The following KIAA1671 variants were observed in gnomAD, a reference collection of about 807,000 sequenced individuals.
The protein encoded by KIAA1671 is uncharacterized protein KIAA1671.
In KIAA1671, 52 loss-of-function variants were observed where a neutral mutation model predicts 131.2. That is an observed-to-expected ratio of 0.40 (90% CI 0.32 to 0.50). The LOEUF (loss-of-function observed/expected upper bound fraction) is 0.50. Among genes scored for constraint, KIAA1671 ranks in the 20% least tolerant of loss-of-function variants. The pLI is 0.73. For missense variants in KIAA1671, 2,360 were observed against 2,364.2 expected (o/e 1.00, Z 0.04); for synonymous variants, 1,003 against 961.6 (o/e 1.04, Z -0.80).
At chr22:25,147,837 T>TG (rs376641906) in intron 6 of KIAA1671, among the ~76,000 whole-genome samples, 85 of 152,292 alleles carry the variant, frequency 5.6e-4, no homozygotes, top group Admixed American at 2.1e-3. Flanking sequence ...CATTCACTAT[T>TG]GCATTTAGTC....
At chr22:25,001,235 A>ATATGTATGTGTGTGTATATG (rs1555951934) in intron 1 of KIAA1671, among the ~76,000 whole-genome samples, 1 of 121,196 alleles carries the variant, frequency 8.3e-6, no homozygotes, top group African/African-American at 2.8e-5. Flanking sequence ...ATGTGTGTGT[A>ATATGTATGTGTGTGTATATG]TATGTGTGTG....
chr22:25,160,871 C>T (rs1419792149), intron 6 of KIAA1671, among the ~76,000 whole-genome samples: 2 of 152,226 alleles, frequency 1.3e-5, no homozygotes, highest in Non-Finnish European at 2.9e-5. Flanking sequence ...TGTGCTGTAA[C>T]CAGAGGTGAC....
At chr22:25,059,514 GGAGT>G (rs1373687024) in intron 6 of KIAA1671, 2 of 152,216 alleles carry the variant, frequency 1.3e-5, no homozygotes, top group Admixed American at 6.6e-5. Flanking sequence ...GTTGAATGAA[GGAGT>G]GAGTGAGTTC....
chr22:25,072,918 G>A (rs1005063974), intron 6 of KIAA1671, among the ~76,000 whole-genome samples: 11 of 152,148 alleles, frequency 7.2e-5, no homozygotes, highest in Non-Finnish European at 1.5e-5. Flanking sequence ...CTGTAGCTTC[G>A]CATAGCTTGA....
chr22:25,045,582 A>G (rs1233448787), intron 5 of KIAA1671, among the ~76,000 whole-genome samples: 1 of 152,146 alleles, frequency 6.6e-6, no homozygotes, highest in Admixed American at 6.5e-5. Flanking sequence ...TCTATAGAAA[A>G]TCTTGTGGCT....
intron 1 of KIAA1671, among the ~76,000 whole-genome samples, chr22:25,018,520 T>G (rs1335955293): frequency 6.6e-6 from 1 of 152,212 alleles, no homozygotes; most frequent in South Asian, 2.1e-4. Context: ...TAGAACTTTT[T>G]CATCTTCTCA....
At position 25,028,052 on chromosome 22, in the gene KIAA1671, G is replaced by A; in HGVS notation, c.53G>A (p.Gly18Asp). ...ATAACGCCCTTGACGGCCGTGCCAGGCCTGGGTGAGATGGGCAAGGAGGAG... is the reference window on the plus strand; with the variant it reads ...ATAACGCCCTTGACGGCCGTGCCAGACCTGGGTGAGATGGGCAAGGAGGAG... The part of the protein sequence containing the change: ...GSITPLTAVP[G>D]LGEMGKEETL... Residue 18 changes from glycine to aspartate, a missense_variant, in exon 3 of 13, where the codon GGC (glycine) becomes GAC (aspartate). By Grantham distance (94) the Gly-to-Asp change is moderately conservative (BLOSUM62 -1). Coordinates refer to ENST00000358431, the MANE Select transcript of KIAA1671 (RefSeq NM_001145206.2). 1 of 1,544,892 alleles carries A rather than the reference G, an allele frequency of 6.5e-7. No individual in the cohort carries two copies. Among genetic ancestry groups the A allele is most frequent in the Non-Finnish European group, 8.7e-7 (1 of 1,143,120 alleles).
chr22:24,957,260 G>A (rs1196007494), intron 1 of KIAA1671, among the ~76,000 whole-genome samples: 2 of 152,112 alleles, frequency 1.3e-5, no homozygotes, highest in African/African-American at 4.8e-5. Context: ...TAGGAGGGAG[G>A]GCTGGGACAT....
At chr22:24,980,833 A>G (rs1440940210) in intron 1 of KIAA1671, among the ~76,000 whole-genome samples, 3 of 151,032 alleles carry the variant, frequency 2.0e-5, no homozygotes, top group Non-Finnish European at 4.4e-5. Context: ...TGCAACCTCC[A>G]CCTCCGGAGT....
At chr22:24,987,173 T>A (rs1002800403) in intron 1 of KIAA1671, among the ~76,000 whole-genome samples, 6 of 140,924 alleles carry the variant, frequency 4.3e-5, no homozygotes, top group East Asian at 2.2e-4. Context: ...TTATTATTAT[T>A]TTTTTTTTTT....
At chr22:25,171,698 G>A (rs973564561) in intron 7 of KIAA1671, among the ~76,000 whole-genome samples, 1 of 151,856 alleles carries the variant, frequency 6.6e-6, no homozygotes, top group Non-Finnish European at 1.5e-5. Context: ...CAGCCTGGGC[G>A]ACAGAGAGAG....
chr22:25,068,242 C>CCG (rs1408210320), intron 6 of KIAA1671, among the ~76,000 whole-genome samples: 2 of 152,156 alleles, frequency 1.3e-5, no homozygotes, highest in African/African-American at 4.8e-5. Flanking sequence ...TCTGACTGTG[C>CCG]TGCCAGTCCC....
intron 1 of KIAA1671, among the ~76,000 whole-genome samples, chr22:25,001,757 C>T (rs1032846379): frequency 1.3e-5 from 2 of 152,194 alleles, no homozygotes; most frequent in Non-Finnish European, 2.9e-5. Flanking sequence ...TTCTCCCACA[C>T]TGGGCAGGCC....
At chr22:24,967,907 G>A (rs1344485183) in intron 1 of KIAA1671, among the ~76,000 whole-genome samples, 14 of 152,086 alleles carry the variant, frequency 9.2e-5, no homozygotes, top group Admixed American at 9.2e-4. Context: ...GCAGGAGAAT[G>A]GCGTGAACCC....
rs1314340300 is a variant in KIAA1671, at chr22:25,181,718, G to A, written c.5094G>A (p.Lys1698=). The change falls in exon 10 of 13, where the codon AAG becomes AAA. Residue 1698 remains lysine, a synonymous_variant. Coordinates refer to ENST00000358431, the MANE Select transcript of KIAA1671 (RefSeq NM_001145206.2). ...CAACAGAGGAGAAATCACCCAGGAA[G>A]GAGGAGTCGGATGAGGAGGAGACGG... ...KDSTEEKSPR[K]EESDEEETAS... is the part of the protein sequence containing the mutation. The A allele has an allele frequency of 5.2e-6, 8 of 1,551,526 alleles. No homozygotes were observed. In the Admixed American group the frequency reaches 1.2e-4, roughly 23 times the overall value.
intron 6 of KIAA1671, among the ~76,000 whole-genome samples, chr22:25,090,738 C>T (rs1568949540): frequency 6.6e-6 from 1 of 152,132 alleles, no homozygotes; most frequent in East Asian, 1.9e-4. Context: ...TTGTTATCAT[C>T]ATTTTATCAC....
At chr22:25,101,622 T>C (rs186588102) in intron 6 of KIAA1671, among the ~76,000 whole-genome samples, 31 of 152,360 alleles carry the variant, frequency 2.0e-4, no homozygotes, top group Non-Finnish European at 3.2e-4. Context: ...ATAAATAATC[T>C]GGGATTGACT....
At chr22:25,114,240 G>A (rs948426107) in intron 6 of KIAA1671, among the ~76,000 whole-genome samples, 1 of 152,300 alleles carries the variant, frequency 6.6e-6, no homozygotes, top group South Asian at 2.1e-4. Context: ...CCTTGGCCTT[G>A]ACAGCTTGAA....
intron 1 of KIAA1671, among the ~76,000 whole-genome samples, chr22:24,982,263 A>G (rs2123831194): frequency 6.6e-6 from 1 of 152,362 alleles, no homozygotes; most frequent in East Asian, 1.9e-4. Flanking sequence ...GGCAAAGGAA[A>G]TCAAACAGTG....
Sources: allele counts gnomAD v4.1 joint callset (sites outside exome capture counted in the v4.1 genomes callset), GRCh38; gene constraint gnomAD v4.1.1; transcripts MANE v1.5; gene names NCBI Gene and HGNC (gene_info 2026-07-23, HGNC 2026-07-21).